EXOC6B: variants seen among roughly 807,000 people sequenced by gnomAD.
The protein encoded by EXOC6B is exocyst complex component 6B, also known as SEC15 homolog B.
Under a neutral mutation model 113.5 loss-of-function variants are expected in EXOC6B, and 54 were observed. That is an observed-to-expected ratio of 0.48 (90% confidence interval 0.38 to 0.60). The LOEUF is 0.60. Among genes scored for constraint, EXOC6B ranks in the 20% least tolerant of loss-of-function variants. The pLI, the probability that EXOC6B is intolerant of heterozygous loss-of-function variation, is 0.00. For missense variants in EXOC6B, 797 were observed against 977.5 expected, an observed-to-expected ratio of 0.82 and a Z score of 2.46; for synonymous variants, 357 against 339.0, an observed-to-expected ratio of 1.05 and a Z score of -0.58.
rs946329410 is a variant in EXOC6B, at chr2:72,226,039, TA to T, written c.2197-41853del. ...TAAGAAACAGTGTGTTGGTAACTTC[TA>T]AAAGACTAGAAATCGAATGTAAAAC... is the stretch of plus-strand genomic sequence containing the variant. On this transcript the variant is annotated intron_variant, in intron 20 of 21. Coordinates refer to ENST00000272427, the MANE Select transcript of EXOC6B (RefSeq NM_015189.3). Among the ~76,000 whole-genome samples, 11 of 152,154 alleles carry T rather than the reference TA, an allele frequency of 7.2e-5. 1 individual carries two copies. Among genetic ancestry groups the T allele is most frequent in the African/African-American group, 2.7e-4 (11 of 41,500 alleles).
intron 6 of EXOC6B, among the ~76,000 whole-genome samples, chr2:72,579,891 A>G (rs1705102539): frequency 1.3e-5 from 2 of 152,108 alleles, no homozygotes; most frequent in African/African-American, 4.8e-5. Context: ...GGGGAGAAAC[A>G]AAGCTTCTTG....
At chr2:72,295,229 CA>C (rs547104239) in intron 20 of EXOC6B, among the ~76,000 whole-genome samples, 3,150 of 78,902 alleles carry the variant, frequency 0.04, 93 homozygotes, top group African/African-American at 0.092. Context: ...GACTCCATCT[CA>C]AAAAAAAAAA....
intron 20 of EXOC6B, among the ~76,000 whole-genome samples, chr2:72,317,154 TTG>T (rs1285107548): frequency 1.4e-5 from 2 of 140,376 alleles, no homozygotes; most frequent in African/African-American, 6.4e-5. Flanking sequence ...TAATTGTGGT[TTG>T]TTTTTTTTTT....
intron 20 of EXOC6B, among the ~76,000 whole-genome samples, chr2:72,262,245 G>A (rs1288237117): frequency 6.6e-6 from 1 of 151,766 alleles, no homozygotes; most frequent in Non-Finnish European, 1.5e-5. Flanking sequence ...TGCCCACAAA[G>A]GAAAACAAGA....
chr2:72,303,198 G>T (rs1197656309), intron 20 of EXOC6B, among the ~76,000 whole-genome samples: 1 of 152,130 alleles, frequency 6.6e-6, no homozygotes, highest in East Asian at 1.9e-4. Flanking sequence ...CTGTTAGCCT[G>T]ATGGGGTTCC....
intron 6 of EXOC6B, among the ~76,000 whole-genome samples, chr2:72,633,026 A>G (rs1672577955): frequency 6.6e-6 from 1 of 152,160 alleles, no homozygotes; most frequent in Non-Finnish European, 1.5e-5. Flanking sequence ...CTGAAACTAG[A>G]ATGAACTTGT....
At chr2:72,636,386 A>G (rs4852884) in intron 6 of EXOC6B, among the ~76,000 whole-genome samples, 2 of 143,988 alleles carry the variant, frequency 1.4e-5, no homozygotes, top group African/African-American at 5.2e-5. Flanking sequence ...GGAAGCAAGG[A>G]AGGGAGGGAA....
chr2:72,520,981 C>T (rs1429059584), intron 8 of EXOC6B, among the ~76,000 whole-genome samples: 1 of 152,182 alleles, frequency 6.6e-6, no homozygotes, highest in African/African-American at 2.4e-5. Context: ...AAACTCCACA[C>T]ACCACAAGGG....
chr2:72,686,628 G>A (rs543835868), intron 6 of EXOC6B, among the ~76,000 whole-genome samples: 7 of 152,156 alleles, frequency 4.6e-5, no homozygotes, highest in East Asian at 1.9e-4. Flanking sequence ...TACTTACCCC[G>A]TCAATAAAGT....
At position 72,646,384 on chromosome 2, in the gene EXOC6B, T is replaced by G. The variant is rs527464169; in HGVS notation, c.670-70716A>C. ...GAGGTACAAAGAGGAGATGGTACCATCTCCTCTTTCCTTCTGAAACTATTC... is the reference window on the plus strand; with the variant it reads ...GAGGTACAAAGAGGAGATGGTACCAGCTCCTCTTTCCTTCTGAAACTATTC... On this transcript the variant is annotated intron_variant, in intron 6 of 21. Transcript: ENST00000272427. Among the ~76,000 whole-genome samples, 14 of 151,816 alleles carry G rather than the reference T, an allele frequency of 9.2e-5. 1 individual carries two copies. The South Asian group carries it at 2.9e-3, about 32-fold the overall frequency.
intron 19 of EXOC6B, among the ~76,000 whole-genome samples, chr2:72,349,655 T>C (rs972388115): frequency 1.3e-5 from 2 of 152,186 alleles, no homozygotes; most frequent in Non-Finnish European, 2.9e-5. Context: ...CATGGAAGAT[T>C]GCTATTCTCC....
rs375159478 is a variant in EXOC6B, at chr2:72,310,850, AACACACACAC to A, written c.2196+24087_2196+24096del. Among the ~76,000 whole-genome samples the A allele has an allele frequency of 3.8e-3, 460 of 120,352 alleles. 1 individual carries two copies. Among genetic ancestry groups the A allele is most frequent in the Middle Eastern group, 0.016 (4 of 248 alleles). 79.0% of individuals were successfully genotyped at this position (120,352 alleles called of 152,430 possible). A position where few individuals can be genotyped will look rare whatever the true frequency, so the allele number is the denominator to read the frequency against. On this transcript the variant is annotated intron_variant, in intron 20 of 21. Transcript: ENST00000272427. ...GCATTTTACATGTGTTATTTCATTT[AACACACACAC>A]ACACACACACACACACACACACACA...
rs557880287 is a variant in EXOC6B at position 72,550,930 on chromosome 2, T to A, written c.915+8523A>T. Among the ~76,000 whole-genome samples the A allele has an allele frequency of 6.9e-3, 1,045 of 150,760 alleles. 16 individuals carry two copies. Among genetic ancestry groups the A allele is most frequent in the African/African-American group, 0.024 (978 of 41,338 alleles). ...TTTATTTTTTTTTTATTTTTTTTTT[T>A]TTTTTTGAGACGGAGTCTCACCCTG... On this transcript the variant is annotated intron_variant, in intron 8 of 21. Coordinates refer to ENST00000272427, the MANE Select transcript of EXOC6B (RefSeq NM_015189.3).
intron 6 of EXOC6B, among the ~76,000 whole-genome samples, chr2:72,681,409 GT>G (rs1050355280): frequency 6.6e-6 from 1 of 152,056 alleles, no homozygotes; most frequent in African/African-American, 2.4e-5. Context: ...TGTTTATTAG[GT>G]TTTAAGTCTT....
At chr2:72,771,996 T>C (rs747047825) in intron 1 of EXOC6B, among the ~76,000 whole-genome samples, 7 of 151,986 alleles carry the variant, frequency 4.6e-5, no homozygotes, top group African/African-American at 9.7e-5. Context: ...TGAACAAACA[T>C]CCAAGTACAA....
intron 19 of EXOC6B, among the ~76,000 whole-genome samples, chr2:72,378,726 G>T (rs1691503085): frequency 6.6e-6 from 1 of 152,106 alleles, no homozygotes; most frequent in South Asian, 2.1e-4. Flanking sequence ...TGGGGCAAGG[G>T]TGTGAGCAGA....
intron 16 of EXOC6B, among the ~76,000 whole-genome samples, chr2:72,481,828 A>G (rs1035351669): frequency 6.6e-6 from 1 of 152,338 alleles, no homozygotes; most frequent in African/African-American, 2.4e-5. Flanking sequence ...ACTGGTTAAA[A>G]AAAAAGTTGT....
intron 20 of EXOC6B, among the ~76,000 whole-genome samples, chr2:72,240,831 T>C (rs372937298): frequency 6.6e-6 from 1 of 152,182 alleles, no homozygotes; most frequent in Non-Finnish European, 1.5e-5. Flanking sequence ...CTACAGTTCT[T>C]ACAACAAAGA....
chr2:72,643,765 T>A lies in EXOC6B; in HGVS notation c.670-68097A>T, dbSNP rs868123567. Among the ~76,000 whole-genome samples the A allele has an allele frequency of 5.7e-5, 8 of 140,264 alleles. No homozygotes were observed. In the Middle Eastern group the frequency reaches 0.011, roughly 185 times the overall value. 92.0% of individuals were successfully genotyped at this position (140,264 alleles called of 152,430 possible). On this transcript the variant is annotated intron_variant, in intron 6 of 21. Transcript: ENST00000272427. Reference sequence around the variant, plus strand: ...GTACCCTAAAACTTGAAGTATAATTTAAAAAAAATAAATTTAAAAAAAAAG... The same window carrying A: ...GTACCCTAAAACTTGAAGTATAATTAAAAAAAAATAAATTTAAAAAAAAAG...
Sources: allele counts gnomAD v4.1 joint callset (sites outside exome capture counted in the v4.1 genomes callset), GRCh38; gene constraint gnomAD v4.1.1; transcripts MANE v1.5; gene names NCBI Gene and HGNC (gene_info 2026-07-23, HGNC 2026-07-21).